HS3ST4: variants seen among roughly 807,000 people sequenced by gnomAD.
HS3ST4 encodes the protein heparan sulfate glucosamine 3-O-sulfotransferase 4.
Under a neutral mutation model 29.2 loss-of-function variants are expected in HS3ST4, and 17 were observed. The ratio of observed to expected loss-of-function variants is 0.58; its 90% confidence interval spans 0.40 to 0.87. The LOEUF is 0.87. Ranked by LOEUF, HS3ST4 falls within the 40% of genes least tolerant of loss-of-function variation. The pLI is 0.00. For synonymous variants in HS3ST4, 314 were observed against 285.7 expected (o/e 1.10, Z -1.00); for missense variants, 627 against 634.5 (o/e 0.99, Z 0.13).
chr16:25,754,904 C>A (rs1243603603), intron 1 of HS3ST4, among the ~76,000 whole-genome samples: 2 of 151,404 alleles, frequency 1.3e-5, no homozygotes, highest in African/African-American at 4.9e-5. Flanking sequence ...CATCAACCTG[C>A]CCATCCACCC....
At chr16:25,919,442 G>A (rs1297838952) in intron 1 of HS3ST4, among the ~76,000 whole-genome samples, 1 of 152,220 alleles carries the variant, frequency 6.6e-6, no homozygotes, top group Non-Finnish European at 1.5e-5. Flanking sequence ...TGAAATGCCT[G>A]TTAGATACTC....
chr16:25,902,536 G>A (rs1164341092), intron 1 of HS3ST4, among the ~76,000 whole-genome samples: 1 of 152,020 alleles, frequency 6.6e-6, no homozygotes, highest in African/African-American at 2.4e-5. Context: ...CAATTATTTT[G>A]GATATGAAGT....
At chr16:26,065,639 A>G (rs1016585564) in intron 1 of HS3ST4, among the ~76,000 whole-genome samples, 1 of 152,222 alleles carries the variant, frequency 6.6e-6, no homozygotes, top group African/African-American at 2.4e-5. Context: ...AGCGAAAAAA[A>G]AAGATAAAAA....
chr16:25,755,731 A>G (rs1317161958), intron 1 of HS3ST4, among the ~76,000 whole-genome samples: 1 of 152,180 alleles, frequency 6.6e-6, no homozygotes, highest in Non-Finnish European at 1.5e-5. Context: ...CACTGCACCC[A>G]TATTTCTGTA....
At chr16:25,917,877 C>CA (rs1968307791) in intron 1 of HS3ST4, among the ~76,000 whole-genome samples, 1 of 152,036 alleles carries the variant, frequency 6.6e-6, no homozygotes, top group Non-Finnish European at 1.5e-5. Flanking sequence ...AGACGCCTTT[C>CA]AAAAAAATAA....
intron 1 of HS3ST4, among the ~76,000 whole-genome samples, chr16:25,921,293 T>G (rs115562519): frequency 0.016 from 2,413 of 152,346 alleles, 42 homozygotes; most frequent in African/African-American, 0.045. Context: ...CATACAAATT[T>G]ACTGAGCCCT....
chr16:25,997,227 A>G (rs1250571401), intron 1 of HS3ST4, among the ~76,000 whole-genome samples: 2 of 152,234 alleles, frequency 1.3e-5, no homozygotes, highest in African/African-American at 4.8e-5. Context: ...AAAATGCAAA[A>G]TAATACCATT....
chr16:25,693,124 A>G lies in HS3ST4; in HGVS notation c.707A>G (p.Asn236Ser), dbSNP rs200188818. The G allele has an allele frequency of 7.3e-4, 1,182 of 1,608,356 alleles. No individual in the cohort carries two copies. The highest frequency in any genetic ancestry group is 9.5e-4 in the Non-Finnish European group (1,114 of 1,177,634). Reference protein sequence around the residue: ...VGVEPHFFDRNYEKGLEWYRN... With the variant: ...VGVEPHFFDRSYEKGLEWYRN... ...GTAGAGCCGCACTTCTTCGACAGGAACTACGAAAAGGGGTTGGAGTGGTAC... is the reference window on the plus strand; with the variant it reads ...GTAGAGCCGCACTTCTTCGACAGGAGCTACGAAAAGGGGTTGGAGTGGTAC... Residue 236 changes from asparagine (N) to serine (S), a missense_variant, in exon 1 of 2, where the codon AAC becomes AGC. By Grantham distance (46) the Asn-to-Ser change is conservative. Coordinates refer to ENST00000331351, the MANE Select transcript of HS3ST4 (RefSeq NM_006040.3).
chr16:25,904,211 GATGGACGGATGGATGGATGAATGGATGA>G (rs1968157646), intron 1 of HS3ST4, among the ~76,000 whole-genome samples: 1 of 151,986 alleles, frequency 6.6e-6, no homozygotes. Flanking sequence ...TGGATGGATG[GATGGACGGATGGATGGATGAATGGATGA>G]ATGGATGGAT....
chr16:25,753,728 G>T (rs1015825883), intron 1 of HS3ST4, among the ~76,000 whole-genome samples: 12 of 152,144 alleles, frequency 7.9e-5, no homozygotes, highest in South Asian at 2.1e-4. Context: ...AAGGAAAGGA[G>T]ATTTCTTATT....
intron 1 of HS3ST4, among the ~76,000 whole-genome samples, chr16:25,722,035 A>G (rs1418268799): frequency 6.6e-6 from 1 of 152,168 alleles, no homozygotes; most frequent in Non-Finnish European, 1.5e-5. Flanking sequence ...CTGAAAGAAG[A>G]TTTCGATCCT....
chr16:26,054,850 G>A (rs1472888036), intron 1 of HS3ST4, among the ~76,000 whole-genome samples: 1 of 151,896 alleles, frequency 6.6e-6, no homozygotes, highest in Non-Finnish European at 1.5e-5. Flanking sequence ...TGAGATGGAT[G>A]TTTCTGACTG....
intron 1 of HS3ST4, among the ~76,000 whole-genome samples, chr16:25,922,868 C>T (rs1426743305): frequency 6.6e-6 from 1 of 152,186 alleles, no homozygotes; most frequent in African/African-American, 2.4e-5. Context: ...AGAACCGTTG[C>T]CATATTGAAT....
intron 1 of HS3ST4, among the ~76,000 whole-genome samples, chr16:26,068,902 G>A (rs528708868): frequency 6.6e-6 from 1 of 152,212 alleles, no homozygotes; most frequent in East Asian, 1.9e-4. Context: ...TTGATACACT[G>A]TTTGCAAAAA....
At chr16:25,814,471 T>C (rs1967072923) in intron 1 of HS3ST4, among the ~76,000 whole-genome samples, 1 of 152,174 alleles carries the variant, frequency 6.6e-6, no homozygotes, top group African/African-American at 2.4e-5. Flanking sequence ...CTCAGCCTCC[T>C]GAGTAGCTGG....
At chr16:25,886,957 T>C (rs1157736376) in intron 1 of HS3ST4, 1 of 152,276 alleles carries the variant, frequency 6.6e-6, no homozygotes, top group African/African-American at 2.4e-5. Context: ...CATTTCCTTC[T>C]GGAAGAAATC....
At chr16:25,757,280 T>C (rs1162521662) in intron 1 of HS3ST4, among the ~76,000 whole-genome samples, 1 of 152,200 alleles carries the variant, frequency 6.6e-6, no homozygotes, top group Admixed American at 6.5e-5. Flanking sequence ...AATTGGGAGT[T>C]GTGAGATCTC....
At chr16:25,764,162 C>T (rs895595366) in intron 1 of HS3ST4, among the ~76,000 whole-genome samples, 1 of 152,096 alleles carries the variant, frequency 6.6e-6, no homozygotes, top group Non-Finnish European at 1.5e-5. Context: ...ATGATGGATT[C>T]TCCTTGGGAC....
At chr16:25,907,253 A>T (rs1968188331) in intron 1 of HS3ST4, among the ~76,000 whole-genome samples, 1 of 152,176 alleles carries the variant, frequency 6.6e-6, no homozygotes, top group Admixed American at 6.5e-5. Flanking sequence ...ACATGGGCAT[A>T]GCCAAGACCA....
Sources: gnomAD v4.1 joint callset for allele counts (sites outside exome capture counted in the v4.1 genomes callset) on GRCh38, gnomAD v4.1.1 for gene constraint, MANE v1.5 for transcripts, NCBI Gene and HGNC (gene_info 2026-07-23, HGNC 2026-07-21) for gene names.